ANK3: variants seen among roughly 807,000 people sequenced by gnomAD.
ANK3 encodes the protein ankyrin 3.
A neutral mutation model predicts 370.9 loss-of-function variants in ANK3; 57 were observed. The ratio of observed to expected loss-of-function variants is 0.15; its 90% CI spans 0.12 to 0.19. ANK3 has a LOEUF of 0.19. ANK3 is among the 10% of genes least tolerant of loss of function. The pLI is 1.00. For missense variants in ANK3, 4,439 were observed against 5,302.1 expected (o/e 0.84, Z 5.06); for synonymous variants, 1,929 against 1,946.3 (o/e 0.99, Z 0.23).
intron 2 of ANK3, among the ~76,000 whole-genome samples, chr10:60,576,857 C>A (rs939677204): frequency 6.6e-6 from 1 of 152,182 alleles, no homozygotes; most frequent in Non-Finnish European, 1.5e-5. Context: ...AGACACCTAG[C>A]CAGTTCACAG....
intron 24 of ANK3, among the ~76,000 whole-genome samples, chr10:60,135,747 T>C (rs1211806083): frequency 6.6e-6 from 1 of 152,184 alleles, no homozygotes; most frequent in Non-Finnish European, 1.5e-5. Context: ...AACAATTTCT[T>C]TTCCCCACTG....
intron 1 of ANK3, among the ~76,000 whole-genome samples, chr10:60,715,259 T>G (rs1047140347): frequency 7.0e-5 from 10 of 142,228 alleles, no homozygotes; most frequent in African/African-American, 2.3e-4. Context: ...AAAATTGCTT[T>G]GTAAAGTTCG....
chr10:60,667,581 A>G lies in ANK3; in HGVS notation c.58-52357T>C, dbSNP rs1443193043. On this transcript the variant is annotated intron_variant, in intron 1 of 43. Coordinates refer to the ANK3 transcript ENST00000373827. ...TATAGGAAGCCAGATAATCTTCTGG[A>G]AATATTTCTAATGCATATTTTTACA... 4.1e-5 allele frequency among the ~76,000 whole-genome samples: 6 copies of G among 147,404 alleles called. 1 individual carries two copies. Among genetic ancestry groups the G allele is most frequent in the African/African-American group, 1.6e-4 (6 of 36,882 alleles).
chr10:60,554,733 C>A (rs1567141791), intron 2 of ANK3, among the ~76,000 whole-genome samples: 1 of 152,048 alleles, frequency 6.6e-6, no homozygotes, highest in South Asian at 2.1e-4. Flanking sequence ...TTTGCAACAA[C>A]CTAAAAACAA....
intron 2 of ANK3, among the ~76,000 whole-genome samples, chr10:60,611,864 T>C (rs749506392): frequency 7.9e-5 from 12 of 150,974 alleles, no homozygotes; most frequent in Admixed American, 3.3e-4. Flanking sequence ...TCATATTCTA[T>C]AGAGACACAT....
chr10:60,204,037 G>A (rs182030619), intron 11 of ANK3, among the ~76,000 whole-genome samples: 478 of 152,236 alleles, frequency 3.1e-3, no homozygotes, highest in Non-Finnish European at 5.3e-3. Flanking sequence ...AAAAGGGACA[G>A]AAGGGGATAA....
chr10:60,730,734 C>T (rs907103214), intron 1 of ANK3, among the ~76,000 whole-genome samples: 2 of 152,178 alleles, frequency 1.3e-5, no homozygotes, highest in Non-Finnish European at 2.9e-5. Flanking sequence ...TGAACAACAG[C>T]CCAGTCAATA....
chr10:60,569,875 T>C (rs996489586), intron 2 of ANK3, among the ~76,000 whole-genome samples: 2 of 152,210 alleles, frequency 1.3e-5, no homozygotes, highest in African/African-American at 4.8e-5. Context: ...CTTGGGGAGC[T>C]TGTTGCCACA....
chr10:60,058,846 A>C (rs1277890550), intron 41 of ANK3, among the ~76,000 whole-genome samples: 1 of 152,070 alleles, frequency 6.6e-6, no homozygotes, highest in Non-Finnish European at 1.5e-5. Context: ...CTCCACCCTC[A>C]TGTGTTCAAG....
At chr10:60,404,837 G>GA (rs1567013028) in intron 2 of ANK3, among the ~76,000 whole-genome samples, 1 of 152,014 alleles carries the variant, frequency 6.6e-6, no homozygotes, top group Non-Finnish European at 1.5e-5. Flanking sequence ...TCAGTGTCCA[G>GA]AAAATATAAG....
intron 1 of ANK3, among the ~76,000 whole-genome samples, chr10:60,709,033 C>T (rs573568797): frequency 6.6e-6 from 1 of 152,290 alleles, no homozygotes; most frequent in East Asian, 1.9e-4. Flanking sequence ...CTATTGATTT[C>T]AGTGCCTTGT....
At chr10:60,047,009 G>C (rs902304915) in intron 42 of ANK3, among the ~76,000 whole-genome samples, 1 of 152,042 alleles carries the variant, frequency 6.6e-6, no homozygotes, top group Non-Finnish European at 1.5e-5. Flanking sequence ...GGGTTTCACC[G>C]TGTTAGCCAG....
At chr10:60,090,920 T>G (rs1263783167) in intron 28 of ANK3, among the ~76,000 whole-genome samples, 1 of 152,260 alleles carries the variant, frequency 6.6e-6, no homozygotes, top group Admixed American at 6.5e-5. Flanking sequence ...TGACATCTTT[T>G]TTTTTTTGAG....
At chr10:60,426,147 T>C (rs138560036) in intron 2 of ANK3, among the ~76,000 whole-genome samples, 1 of 152,212 alleles carries the variant, frequency 6.6e-6, no homozygotes, top group African/African-American at 2.4e-5. Context: ...TATTTTCAGC[T>C]TTCCAGCCCA....
chr10:60,446,902 T>C (rs2064462523), intron 2 of ANK3, among the ~76,000 whole-genome samples: 1 of 152,254 alleles, frequency 6.6e-6, no homozygotes, highest in African/African-American at 2.4e-5. Flanking sequence ...GAGCTTACTT[T>C]GACATTTAAT....
intron 1 of ANK3, among the ~76,000 whole-genome samples, chr10:60,357,158 G>A (rs1251525696): frequency 3.9e-5 from 6 of 152,136 alleles, no homozygotes; most frequent in African/African-American, 1.4e-4. Flanking sequence ...AGGTAGTGAT[G>A]TTTCTGAGGC....
At chr10:60,226,979 A>T (rs1404581923) in intron 8 of ANK3, among the ~76,000 whole-genome samples, 1 of 151,426 alleles carries the variant, frequency 6.6e-6, no homozygotes, top group African/African-American at 2.4e-5. Context: ...GTATCCACAT[A>T]TTTCCTACTC....
intron 2 of ANK3, among the ~76,000 whole-genome samples, chr10:60,433,609 G>T (rs10994347): frequency 0.015 from 2,298 of 152,096 alleles, 62 homozygotes; most frequent in African/African-American, 0.052. Context: ...GTCTCAAAAA[G>T]AACGAAAGAA....
At chr10:60,527,785 T>C (rs1334918747) in intron 2 of ANK3, among the ~76,000 whole-genome samples, 2 of 152,114 alleles carry the variant, frequency 1.3e-5, no homozygotes, top group African/African-American at 4.8e-5. Context: ...GCAATCTAAA[T>C]GAAGGGTGGA....
Sources: gnomAD v4.1 joint callset for allele counts (sites outside exome capture counted in the v4.1 genomes callset) on GRCh38, gnomAD v4.1.1 for gene constraint, MANE v1.5 for transcripts, NCBI Gene and HGNC (gene_info 2026-07-23, HGNC 2026-07-21) for gene names.